Variants in GPHN observed in about 807,000 individuals in gnomAD.
GPHN encodes gephyrin.
In GPHN, 17 loss-of-function variants were observed where a neutral mutation model predicts 95.5. The observed-to-expected ratio is 0.18, with a 90% CI of 0.12 to 0.27. The LOEUF is 0.27. Among genes scored for constraint, GPHN ranks in the 10% least tolerant of loss-of-function variants. The probability of loss-of-function intolerance (pLI) is 1.00; values close to 1 mark genes in which losing one functional copy is unlikely to be tolerated. For missense variants in GPHN, 660 were observed against 978.1 expected (o/e 0.67, Z 4.34); for synonymous variants, 320 against 322.5 (o/e 0.99, Z 0.08).
the GPHN span, among the ~76,000 whole-genome samples, chr14:67,255,477 G>A: frequency 1.3e-5 from 2 of 152,098 alleles, no homozygotes; most frequent in African/African-American, 2.4e-5. Flanking sequence ...AATTAAAAAT[G>A]TAATATATAT....
chr14:66,874,643 A>G (rs113972990), intron 4 of GPHN, among the ~76,000 whole-genome samples: 2,298 of 152,272 alleles, frequency 0.015, 32 homozygotes, highest in Non-Finnish European at 0.018. Context: ...CAATCAAGCC[A>G]AAGAAAGAAT....
chr14:67,131,596 G>A (rs1477584521), intron 17 of GPHN, among the ~76,000 whole-genome samples: 2 of 152,138 alleles, frequency 1.3e-5, no homozygotes, highest in Admixed American at 6.6e-5. Flanking sequence ...CCCAAAAAAT[G>A]TACAGTGTAA....
At chr14:66,946,480 G>A (rs935617735) in intron 8 of GPHN, among the ~76,000 whole-genome samples, 8 of 151,972 alleles carry the variant, frequency 5.3e-5, no homozygotes, top group Non-Finnish European at 8.8e-5. Context: ...ATCTCGGCTC[G>A]CTGCAAACTC....
At chr14:67,013,528 A>G (rs977058071) in intron 9 of GPHN, among the ~76,000 whole-genome samples, 3 of 152,116 alleles carry the variant, frequency 2.0e-5, no homozygotes, top group African/African-American at 7.2e-5. Flanking sequence ...AATGTACGCC[A>G]TACATAGCTG....
chr14:67,660,027 C>T, the GPHN span: 9 of 1,164,302 alleles, frequency 7.7e-6, no homozygotes, highest in Admixed American at 2.1e-4. Flanking sequence ...TTGGACTACA[C>T]CAAGTAAATA....
chr14:66,586,132 A>G (rs1242757000), intron 1 of GPHN, among the ~76,000 whole-genome samples: 1 of 151,984 alleles, frequency 6.6e-6, no homozygotes, highest in Non-Finnish European at 1.5e-5. Flanking sequence ...TGATCCCTTT[A>G]CCATTATGTA....
At chr14:66,954,876 G>GT (rs1309855178) in intron 8 of GPHN, among the ~76,000 whole-genome samples, 15 of 152,076 alleles carry the variant, frequency 9.9e-5, no homozygotes, top group Non-Finnish European at 2.1e-4. Flanking sequence ...CATTTGTGAA[G>GT]TTTTTTTCCC....
intron 1 of GPHN, among the ~76,000 whole-genome samples, chr14:66,561,580 G>C (rs1253261893): frequency 6.6e-6 from 1 of 151,992 alleles, no homozygotes; most frequent in Non-Finnish European, 1.5e-5. Context: ...GGGTACCCAG[G>C]TTTACACAAA....
intron 3 of GPHN, among the ~76,000 whole-genome samples, chr14:66,791,250 T>C (rs1227874104): frequency 6.6e-6 from 1 of 152,192 alleles, no homozygotes; most frequent in Non-Finnish European, 1.5e-5. Context: ...TTCCTTTGGG[T>C]TGGGGGTTTC....
At chr14:67,101,862 T>TTATC (rs1003756058) in intron 13 of GPHN, among the ~76,000 whole-genome samples, 1 of 150,022 alleles carries the variant, frequency 6.7e-6, no homozygotes, top group African/African-American at 2.4e-5. Flanking sequence ...ATTTATTTAT[T>TTATC]TATTTATTTA....
At chr14:67,517,670 A>G in the GPHN span, among the ~76,000 whole-genome samples, 1 of 152,132 alleles carries the variant, frequency 6.6e-6, no homozygotes, top group East Asian at 1.9e-4. Flanking sequence ...GGTTTTCCTC[A>G]TTCCTTACAT....
chr14:66,760,153 G>T (rs983052702), intron 2 of GPHN, among the ~76,000 whole-genome samples: 1 of 152,058 alleles, frequency 6.6e-6, no homozygotes, highest in Non-Finnish European at 1.5e-5. Flanking sequence ...TAAGATCCAT[G>T]AATACAATTA....
chr14:67,201,424 C>G, the GPHN span: 1 of 455,950 alleles, frequency 2.2e-6, no homozygotes, highest in East Asian at 6.9e-5. Context: ...GCTCTGTCAC[C>G]TTCAAGCCAG....
the GPHN span, among the ~76,000 whole-genome samples, chr14:67,438,606 A>G: frequency 3.9e-5 from 6 of 152,268 alleles, no homozygotes; most frequent in South Asian, 1.2e-3. Context: ...CACGCCTGTA[A>G]TCCCAGCACT....
chr14:67,435,457 A>G, the GPHN span, among the ~76,000 whole-genome samples: 1 of 152,214 alleles, frequency 6.6e-6, no homozygotes, highest in Non-Finnish European at 1.5e-5. Flanking sequence ...TGGAGGGGAC[A>G]TTCGAACCAT....
chr14:67,732,063 G>C, the GPHN span, among the ~76,000 whole-genome samples: 1 of 150,626 alleles, frequency 6.6e-6, no homozygotes, highest in Admixed American at 6.6e-5. Flanking sequence ...GGAGGCGGAG[G>C]CTGCAGTAAG....
chr14:67,047,506 C>G (rs2075094408), intron 10 of GPHN, among the ~76,000 whole-genome samples: 1 of 151,812 alleles, frequency 6.6e-6, no homozygotes, highest in Non-Finnish European at 1.5e-5. Context: ...GCTGGGACTA[C>G]AGGCTCCTGA....
At chr14:67,478,503 G>A in the GPHN span, among the ~76,000 whole-genome samples, 2 of 152,208 alleles carry the variant, frequency 1.3e-5, no homozygotes, top group African/African-American at 4.8e-5. Flanking sequence ...ATCACAGGAT[G>A]AAAGAGTGTG....
chr14:66,908,860 A>G (rs76147839), intron 5 of GPHN, among the ~76,000 whole-genome samples: 1 of 151,898 alleles, frequency 6.6e-6, no homozygotes, highest in African/African-American at 2.4e-5. Flanking sequence ...AAAAAAAAAA[A>G]CTGACCAGCA....
Sources: allele counts gnomAD v4.1 joint callset (sites outside exome capture counted in the v4.1 genomes callset), GRCh38; gene constraint gnomAD v4.1.1; transcripts MANE v1.5; gene names NCBI Gene and HGNC (gene_info 2026-07-23, HGNC 2026-07-21).